The following LRRTM3 variants were observed in gnomAD, a reference collection of about 807,000 sequenced individuals.
LRRTM3 encodes the protein leucine-rich repeat transmembrane neuronal protein 3.
LRRTM3 carries 24 observed loss-of-function variants against 44.7 expected under a neutral mutation model. The ratio of observed to expected loss-of-function variants is 0.54; its 90% CI spans 0.39 to 0.76. The LOEUF (loss-of-function observed/expected upper bound fraction) is 0.76. LRRTM3 is among the 30% of genes least tolerant of loss of function. The probability of loss-of-function intolerance (pLI) is 0.00; values close to 1 mark genes in which losing one functional copy is unlikely to be tolerated. For missense variants in LRRTM3, 587 were observed against 702.2 expected (o/e 0.84, Z 1.85); for synonymous variants, 277 against 278.7 (o/e 0.99, Z 0.06).
chr10:67,051,634 G>T (rs1488315367), intron 2 of LRRTM3, among the ~76,000 whole-genome samples: 1 of 151,736 alleles, frequency 6.6e-6, no homozygotes, highest in Non-Finnish European at 1.5e-5. Flanking sequence ...TTGATCTTTT[G>T]ACCTCATGAT....
At chr10:66,944,320 A>G (rs1011867318) in intron 2 of LRRTM3, among the ~76,000 whole-genome samples, 1 of 152,208 alleles carries the variant, frequency 6.6e-6, no homozygotes, top group African/African-American at 2.4e-5. Flanking sequence ...ATAAGCAGCA[A>G]CTCCTCATCC....
At position 66,927,741 on chromosome 10, in the gene LRRTM3, G is replaced by A; in HGVS notation, c.825G>A (p.Gln275=). 3.1e-6 allele frequency: 5 copies of A among 1,614,180 alleles called. No individual in the cohort carries two copies. The highest frequency in any genetic ancestry group is 4.2e-6 in the Non-Finnish European group (5 of 1,180,024). The part of the protein sequence containing the change: ...IEAFSGPSVF[Q]CVPNLQRLNL... Reference sequence around the variant, plus strand: ...CTTTCAGTGGACCCAGTGTTTTCCAGTGTGTCCCGAATCTGCAGCGCCTCA... The same window carrying A: ...CTTTCAGTGGACCCAGTGTTTTCCAATGTGTCCCGAATCTGCAGCGCCTCA... The change falls in exon 2 of 3, where the codon CAG becomes CAA. Residue 275 remains glutamine (Q), a synonymous_variant. Transcript: ENST00000361320. This position sits in a 1 kb window ranked among gnomAD's most constrained non-coding sequence, Gnocchi z 4.7.
intron 2 of LRRTM3, among the ~76,000 whole-genome samples, chr10:67,013,328 G>C (rs1370487775): frequency 6.6e-6 from 1 of 152,112 alleles, no homozygotes; most frequent in Non-Finnish European, 1.5e-5. Context: ...ATTTCAGTGA[G>C]TAGTTATTTC....
chr10:67,015,487 T>C (rs866941623), intron 2 of LRRTM3: 1 of 152,166 alleles, frequency 6.6e-6, no homozygotes, highest in Non-Finnish European at 1.5e-5. Flanking sequence ...TGTGTAGTAA[T>C]TGCTTCTCTG....
At chr10:67,063,204 C>T (rs1855863511) in intron 2 of LRRTM3, among the ~76,000 whole-genome samples, 1 of 152,092 alleles carries the variant, frequency 6.6e-6, no homozygotes, top group South Asian at 2.1e-4. Context: ...TCAAGACAGC[C>T]TTAAAGCAAT....
chr10:66,967,343 T>TAG (rs1564800692), intron 2 of LRRTM3, among the ~76,000 whole-genome samples: 4 of 150,838 alleles, frequency 2.7e-5, no homozygotes, highest in African/African-American at 7.3e-5. Flanking sequence ...CATATATATA[T>TAG]ATAGATAGAT....
intron 2 of LRRTM3, among the ~76,000 whole-genome samples, chr10:67,040,245 A>G (rs1309879830): frequency 1.3e-5 from 2 of 152,138 alleles, no homozygotes; most frequent in African/African-American, 4.8e-5. Context: ...CTCGGTCTAC[A>G]TGTGATCCTA....
intron 2 of LRRTM3, among the ~76,000 whole-genome samples, chr10:66,974,713 G>A (rs1231751402): frequency 6.6e-6 from 1 of 151,872 alleles, no homozygotes; most frequent in East Asian, 1.9e-4. Flanking sequence ...ATTTTAATGA[G>A]CAGGAAGTTA....
chr10:67,032,553 TTA>T (rs1416081009), intron 2 of LRRTM3, among the ~76,000 whole-genome samples: 1 of 152,176 alleles, frequency 6.6e-6, no homozygotes, highest in Non-Finnish European at 1.5e-5. Context: ...CAGATTTCTT[TTA>T]TGTTTGCCTC....
intron 2 of LRRTM3, among the ~76,000 whole-genome samples, chr10:67,043,628 T>C (rs961547601): frequency 2.6e-5 from 4 of 152,180 alleles, no homozygotes; most frequent in African/African-American, 9.6e-5. Flanking sequence ...AACAATGATT[T>C]TTTTTTAAAG....
At chr10:67,020,521 A>G (rs1328548972) in intron 2 of LRRTM3, among the ~76,000 whole-genome samples, 1 of 152,188 alleles carries the variant, frequency 6.6e-6, no homozygotes, top group Non-Finnish European at 1.5e-5. Context: ...GTTTCACAAT[A>G]GTCTTAAGTT....
chr10:66,935,295 CCTCT>C (rs1422704654), intron 2 of LRRTM3, among the ~76,000 whole-genome samples: 4 of 151,984 alleles, frequency 2.6e-5, no homozygotes, highest in Non-Finnish European at 5.9e-5. Context: ...AACAGTGAAA[CCTCT>C]CTAAGGTACA....
At position 66,928,042 on chromosome 10, in the gene LRRTM3, C is replaced by T. The variant is rs1380228105; in HGVS notation, c.1126C>T (p.Pro376Ser). 1.9e-6 allele frequency: 3 copies of T among 1,613,940 alleles called. No homozygotes were observed. The highest frequency in any genetic ancestry group is 2.5e-6 in the Non-Finnish European group (3 of 1,180,028). ...TERFDLARAL[P>S]KPTFKPKLPR... is the part of the protein sequence containing the mutation. The stretch of plus-strand genomic sequence containing the variant: ...GAGGTTTGATCTGGCCAGGGCTCTC[C>T]CAAAGCCGACGTTTAAGCCCAAGCT... The change falls in exon 2 of 3, where the codon CCA becomes TCA. Residue 376 changes from proline (P) to serine (S), a missense_variant. This residue lies in a region of LRRTM3 where 315 missense variants were observed against 335.6 expected (regional missense o/e 0.94). Coordinates refer to ENST00000361320, the MANE Select transcript of LRRTM3 (RefSeq NM_178011.5).
chr10:67,065,822 A>T (rs891307265), intron 2 of LRRTM3, among the ~76,000 whole-genome samples: 2 of 152,160 alleles, frequency 1.3e-5, no homozygotes, highest in African/African-American at 4.8e-5. Flanking sequence ...AGTTATGCTA[A>T]ACCAGTGAGA....
intron 2 of LRRTM3, among the ~76,000 whole-genome samples, chr10:67,028,529 A>G (rs1853525865): frequency 6.6e-6 from 1 of 152,142 alleles, no homozygotes; most frequent in African/African-American, 2.4e-5. Context: ...CAAATAGTCA[A>G]TGAAATCGAG....
At chr10:67,068,844 G>C (rs763198389) in intron 2 of LRRTM3, among the ~76,000 whole-genome samples, 8 of 152,192 alleles carry the variant, frequency 5.3e-5, no homozygotes, top group Non-Finnish European at 1.2e-4. Context: ...AAGATCACCT[G>C]AGGTCAGGAG....
chr10:67,087,070 G>T (rs1857350800), intron 2 of LRRTM3, among the ~76,000 whole-genome samples: 3 of 152,022 alleles, frequency 2.0e-5, no homozygotes, highest in Admixed American at 6.6e-5. Context: ...AGGCTTTTGA[G>T]CCATAGTTTC....
At chr10:67,015,903 T>C (rs777432511) in intron 2 of LRRTM3, among the ~76,000 whole-genome samples, 4 of 152,100 alleles carry the variant, frequency 2.6e-5, no homozygotes, top group Non-Finnish European at 4.4e-5. Context: ...GTGACTTTGT[T>C]TTCAATCAAG....
At chr10:66,970,886 C>G (rs762633858) in intron 2 of LRRTM3, among the ~76,000 whole-genome samples, 1 of 152,068 alleles carries the variant, frequency 6.6e-6, no homozygotes, top group Non-Finnish European at 1.5e-5. Context: ...ATACAGATCT[C>G]AAGAATTCTC....
Sources: gnomAD v4.1 joint callset for allele counts (sites outside exome capture counted in the v4.1 genomes callset) on GRCh38, gnomAD v4.1.1 for gene constraint, gnomAD v4.1.1 regional missense constraint, Gnocchi (gnomAD v3.1) non-coding constraint, MANE v1.5 for transcripts, NCBI Gene and HGNC (gene_info 2026-07-23, HGNC 2026-07-21) for gene names.